Variants in SLC22A3 observed in about 807,000 individuals in gnomAD.
The protein encoded by SLC22A3 is EMT organic cation transporter 3.
A neutral mutation model predicts 59.1 loss-of-function variants in SLC22A3; 51 were observed. That is an observed-to-expected ratio of 0.86 (90% confidence interval 0.69 to 1.09). SLC22A3 has a LOEUF of 1.09. Ranked by LOEUF, SLC22A3 falls within the 50% of genes least tolerant of loss-of-function variation. The pLI, the probability that SLC22A3 is intolerant of heterozygous loss-of-function variation, is 0.00. For missense variants in SLC22A3, 711 were observed against 726.3 expected, an observed-to-expected ratio of 0.98 and a Z score of 0.24; for synonymous variants, 325 against 292.0, an observed-to-expected ratio of 1.11 and a Z score of -1.15.
At chr6:160,423,019 C>T (rs1787806434) in intron 5 of SLC22A3, among the ~76,000 whole-genome samples, 2 of 152,028 alleles carry the variant, frequency 1.3e-5, no homozygotes, top group South Asian at 4.2e-4. Context: ...GTGTGATGTT[C>T]CCCTTCCTGT....
chr6:160,383,298 A>C (rs1339466379), intron 1 of SLC22A3, among the ~76,000 whole-genome samples: 1 of 152,208 alleles, frequency 6.6e-6, no homozygotes, highest in Non-Finnish European at 1.5e-5. Flanking sequence ...AAAGACTTTT[A>C]AAGGCAGTCT....
intron 1 of SLC22A3, among the ~76,000 whole-genome samples, chr6:160,375,762 C>T (rs1785566713): frequency 6.6e-6 from 1 of 151,972 alleles, no homozygotes; most frequent in Non-Finnish European, 1.5e-5. Flanking sequence ...TCTCTTGAGC[C>T]TGCTTAAATC....
At chr6:160,367,023 C>G (rs1444379362) in intron 1 of SLC22A3, among the ~76,000 whole-genome samples, 2 of 152,188 alleles carry the variant, frequency 1.3e-5, no homozygotes, top group African/African-American at 4.8e-5. Context: ...GTTGCTTCCA[C>G]ATTTTTGGGT....
chr6:160,403,372 G>T (rs1246681159), intron 2 of SLC22A3, among the ~76,000 whole-genome samples: 1 of 151,724 alleles, frequency 6.6e-6, no homozygotes, highest in Non-Finnish European at 1.5e-5. Flanking sequence ...TCTGAATAGG[G>T]CTATATCTAT....
chr6:160,450,564 A>T (rs1788913066), intron 10 of SLC22A3, among the ~76,000 whole-genome samples: 1 of 152,238 alleles, frequency 6.6e-6, no homozygotes, highest in African/African-American at 2.4e-5. Context: ...AACAGGATTA[A>T]GAGATTAAGG....
intron 2 of SLC22A3, among the ~76,000 whole-genome samples, chr6:160,399,542 G>T (rs1486261714): frequency 6.6e-6 from 1 of 152,098 alleles, no homozygotes; most frequent in Non-Finnish European, 1.5e-5. Context: ...TTGCTGCCTT[G>T]GAGGGGAGGG....
At position 160,431,223 on chromosome 6, in the gene SLC22A3, C is replaced by T. The variant is rs1346896105; in HGVS notation, c.976-5557C>T. 2.0e-5 allele frequency among the ~76,000 whole-genome samples: 3 copies of T among 152,090 alleles called. No individual in the cohort carries two copies. In the East Asian group the frequency reaches 5.8e-4, roughly 29 times the overall value. ...CTCAGACCAGGCAAAATTTAGTAAC[C>T]CTTTGGCAACAGAAAATCAGCACAG... On this transcript the variant is annotated intron_variant, in intron 5 of 10. Coordinates refer to ENST00000275300, the MANE Select transcript of SLC22A3 (RefSeq NM_021977.4).
intron 10 of SLC22A3, 140 bp from the exon 11 acceptor site, chr6:160,450,854 GAC>G: frequency 2.5e-6 from 2 of 792,722 alleles, no homozygotes; most frequent in Non-Finnish European, 4.2e-6. Flanking sequence ...TGATCCTGGA[GAC>G]AGATATTGTT....
At chr6:160,421,117 G>A (rs1012197088) in intron 5 of SLC22A3, among the ~76,000 whole-genome samples, 1 of 152,214 alleles carries the variant, frequency 6.6e-6, no homozygotes, top group East Asian at 1.9e-4. Context: ...AAAGCAAGAT[G>A]CTGACGCTGT....
At chr6:160,426,149 T>G (rs1043914779) in intron 5 of SLC22A3, 1 of 985,340 alleles carries the variant, frequency 1.0e-6, no homozygotes, top group Admixed American at 6.1e-5. Context: ...TAAACTGATC[T>G]TCAAACTCTT....
chr6:160,354,314 G>A (rs1784757738), intron 1 of SLC22A3, among the ~76,000 whole-genome samples: 2 of 152,218 alleles, frequency 1.3e-5, no homozygotes, highest in Admixed American at 1.3e-4. Flanking sequence ...ACTAGAATGG[G>A]TACAAGAATG....
chr6:160,422,980 C>T (rs972892236), intron 5 of SLC22A3, among the ~76,000 whole-genome samples: 5 of 152,090 alleles, frequency 3.3e-5, no homozygotes, highest in Non-Finnish European at 5.9e-5. Context: ...TTCCCTGCCC[C>T]CTTCCCCCAC....
intron 7 of SLC22A3, among the ~76,000 whole-genome samples, chr6:160,442,390 T>C (rs1788579610): frequency 6.6e-6 from 1 of 152,120 alleles, no homozygotes; most frequent in African/African-American, 2.4e-5. Flanking sequence ...TGTGGGAACG[T>C]GGTGGCTCAA....
At chr6:160,411,754 T>A (rs894957951) in intron 5 of SLC22A3, among the ~76,000 whole-genome samples, 1 of 152,030 alleles carries the variant, frequency 6.6e-6, no homozygotes, top group Non-Finnish European at 1.5e-5. Context: ...AAAAAGATTT[T>A]AAAAAAATGA....
At position 160,452,348 on chromosome 6, in the gene SLC22A3, A is replaced by G. The variant is rs572152387; in HGVS notation, c.*1292A>G. ...ACACATGTGCGCTAATCGTAAAATG[A>G]GCATCTTAGTCTTTAAAACACATCA... On this transcript the variant is annotated 3_prime_UTR_variant, in exon 11 of 11. Transcript: ENST00000275300. The G allele has an allele frequency of 6.6e-6, 1 of 152,354 alleles. No individual in the cohort carries two copies. The highest frequency in any genetic ancestry group is 2.1e-4 in the South Asian group (1 of 4,832). The allele number at this position is 152,354 out of a possible 1,614,324, so 9.4% of individuals were successfully genotyped here. A position where few individuals can be genotyped will look rare whatever the true frequency, so the allele number is the denominator to read the frequency against.
intron 1 of SLC22A3, among the ~76,000 whole-genome samples, chr6:160,393,213 G>C (rs371084221): frequency 2.0e-5 from 3 of 151,802 alleles, no homozygotes; most frequent in Admixed American, 6.6e-5. Flanking sequence ...TGGTCACCTG[G>C]GTCCATTCCC....
chr6:160,371,766 CCA>C (rs1450548892), intron 1 of SLC22A3, among the ~76,000 whole-genome samples: 1 of 152,168 alleles, frequency 6.6e-6, no homozygotes, highest in Middle Eastern at 3.2e-3. Flanking sequence ...ACACTGTCTT[CCA>C]CAATGGTGGA....
chr6:160,378,338 C>T (rs1785671550), intron 1 of SLC22A3, among the ~76,000 whole-genome samples: 1 of 152,238 alleles, frequency 6.6e-6, no homozygotes, highest in Non-Finnish European at 1.5e-5. Flanking sequence ...GGCACTGGTG[C>T]TGGTGTTTCA....
intron 1 of SLC22A3, among the ~76,000 whole-genome samples, chr6:160,371,741 C>A (rs1220293195): frequency 1.3e-5 from 2 of 152,272 alleles, no homozygotes; most frequent in Admixed American, 6.5e-5. Flanking sequence ...GGTTTTAGAT[C>A]CTTGAGGAAT....
Sources: gnomAD v4.1 joint callset for allele counts (sites outside exome capture counted in the v4.1 genomes callset) on GRCh38, gnomAD v4.1.1 for gene constraint, MANE v1.5 for transcripts, NCBI Gene and HGNC (gene_info 2026-07-23, HGNC 2026-07-21) for gene names.